The following EYS variants were observed in gnomAD, a reference collection of about 807,000 sequenced individuals.
EYS encodes protein eyes shut homolog.
In EYS, 250 loss-of-function variants were observed where a neutral mutation model predicts 282.1. The ratio of observed to expected loss-of-function variants is 0.89; its 90% CI spans 0.80 to 0.98. The LOEUF is 0.98. EYS is among the 50% of genes least tolerant of loss of function. The pLI, the probability that EYS is intolerant of heterozygous loss-of-function variation, is 0.00. For synonymous variants in EYS, 1,355 were observed against 1,282.9 expected, an observed-to-expected ratio of 1.06 and a Z score of -1.20; for missense variants, 4,016 against 3,709.0, an observed-to-expected ratio of 1.08 and a Z score of -2.15.
chr6:64,163,154 A>G (rs77408945), intron 31 of EYS, among the ~76,000 whole-genome samples: 3,912 of 152,240 alleles, frequency 0.026, 156 homozygotes, highest in African/African-American at 0.089. Flanking sequence ...CAGGTAAAAA[A>G]GCCTATTAGC....
intron 12 of EYS, among the ~76,000 whole-genome samples, chr6:65,265,526 T>C (rs1396900011): frequency 1.3e-5 from 2 of 152,038 alleles, no homozygotes; most frequent in African/African-American, 4.8e-5. Context: ...TTTCTTAATA[T>C]GGTATGCTTA....
chr6:64,211,593 CTAATT>C (rs72165256), intron 31 of EYS, among the ~76,000 whole-genome samples: 44,732 of 146,862 alleles, frequency 0.3, 6,843 homozygotes, highest in East Asian at 0.5. Context: ...ATATATTAAT[CTAATT>C]TAATTCATTT....
intron 31 of EYS, among the ~76,000 whole-genome samples, chr6:64,145,119 T>C (rs1160043936): frequency 1.3e-5 from 2 of 152,196 alleles, no homozygotes; most frequent in African/African-American, 4.8e-5. Context: ...ATAAGAAGCA[T>C]GATTATTTTA....
At chr6:64,317,563 G>A (rs534558560) in intron 29 of EYS, among the ~76,000 whole-genome samples, 14 of 151,884 alleles carry the variant, frequency 9.2e-5, no homozygotes, top group East Asian at 1.9e-4. Context: ...AAATAGAAAC[G>A]CTTTTACACT....
At chr6:64,609,226 G>GA (rs1184579333) in intron 24 of EYS, among the ~76,000 whole-genome samples, 2 of 152,006 alleles carry the variant, frequency 1.3e-5, no homozygotes, top group Non-Finnish European at 2.9e-5. Context: ...AATAGTTTAA[G>GA]AAAAAAAGAG....
At chr6:64,620,873 T>G (rs1205729618) in intron 23 of EYS, among the ~76,000 whole-genome samples, 1 of 152,202 alleles carries the variant, frequency 6.6e-6, no homozygotes, top group Non-Finnish European at 1.5e-5. Flanking sequence ...ATTATTATGG[T>G]GTTAAACTAA....
chr6:63,862,907 C>A (rs1772571010), intron 36 of EYS, among the ~76,000 whole-genome samples: 1 of 152,248 alleles, frequency 6.6e-6, no homozygotes, highest in African/African-American at 2.4e-5. Flanking sequence ...CAGATACACA[C>A]AAATTCATTG....
intron 29 of EYS, among the ~76,000 whole-genome samples, chr6:64,328,223 A>G (rs899607602): frequency 1.3e-5 from 2 of 152,210 alleles, no homozygotes; most frequent in Non-Finnish European, 2.9e-5. Flanking sequence ...TTCAGTCATT[A>G]TTTAATACAG....
At chr6:65,598,432 G>A (rs354342) in intron 2 of EYS, among the ~76,000 whole-genome samples, 44,991 of 151,570 alleles carry the variant, frequency 0.3, 7,547 homozygotes, top group East Asian at 0.56. Context: ...CAATATTTAT[G>A]CCATCCAGCA....
chr6:65,087,856 T>TA (rs1467520487), intron 12 of EYS, among the ~76,000 whole-genome samples: 1 of 152,190 alleles, frequency 6.6e-6, no homozygotes, highest in Non-Finnish European at 1.5e-5. Flanking sequence ...AATCTCACTT[T>TA]GAATTGTCAT....
intron 32 of EYS, among the ~76,000 whole-genome samples, chr6:64,076,212 G>T (rs142763437): frequency 3.8e-4 from 57 of 151,948 alleles, no homozygotes; most frequent in African/African-American, 1.3e-3. Context: ...ATTTATCAGA[G>T]GAATAAATTA....
At chr6:64,548,058 T>C (rs114492517) in intron 26 of EYS, among the ~76,000 whole-genome samples, 7,786 of 152,094 alleles carry the variant, frequency 0.051, 456 homozygotes, top group African/African-American at 0.13. Context: ...CACACCTCCC[T>C]GGAAGCTGAT....
At chr6:64,942,434 GT>G (rs1387662864) in intron 15 of EYS, among the ~76,000 whole-genome samples, 21 of 142,126 alleles carry the variant, frequency 1.5e-4, no homozygotes, top group Non-Finnish European at 2.6e-4. Context: ...CCAGAAGTTG[GT>G]TTTTTGAAAG....
intron 26 of EYS, among the ~76,000 whole-genome samples, chr6:64,466,362 A>G (rs575093432): frequency 1.3e-5 from 2 of 152,162 alleles, no homozygotes; most frequent in Non-Finnish European, 2.9e-5. Context: ...ATATCCATCA[A>G]TGGATGAATG....
In EYS at chr6:64,591,486, C is replaced by T. The variant is rs561089665; in HGVS notation, c.4381G>A (p.Val1461Ile). ...ATATCCTCTTGAGCCCCCCTAGAGA[C>T]AACTGGAGTTGCACTTATGGAGGCA... ...IAASISATPV[V>I]SRGAQEDIEE... Residue 1461 changes from valine (V) to isoleucine (I), a missense_variant, in exon 26 of 43, where the codon GTC (valine) becomes ATC (isoleucine). Physicochemically the swap from Val to Ile is conservative, Grantham distance 29. Transcript: ENST00000503581. The T allele has an allele frequency of 3.2e-6, 5 of 1,551,286 alleles. No individual in the cohort carries two copies. The highest frequency in any genetic ancestry group is 4.4e-6 in the Non-Finnish European group (5 of 1,146,766).
intron 34 of EYS, among the ~76,000 whole-genome samples, chr6:63,995,436 A>G (rs1767792327): frequency 6.6e-6 from 1 of 151,968 alleles, no homozygotes; most frequent in African/African-American, 2.4e-5. Flanking sequence ...GTGGAAATTT[A>G]TGAGCACGGT....
intron 33 of EYS, among the ~76,000 whole-genome samples, chr6:64,025,217 C>A (rs1769433733): frequency 6.6e-6 from 1 of 151,928 alleles, no homozygotes; most frequent in Non-Finnish European, 1.5e-5. Flanking sequence ...TCTCTAACAA[C>A]CCCCAACTCT....
At chr6:64,469,346 A>G (rs1157620650) in intron 26 of EYS, among the ~76,000 whole-genome samples, 1 of 152,202 alleles carries the variant, frequency 6.6e-6, no homozygotes, top group Non-Finnish European at 1.5e-5. Context: ...ATAATAAAAT[A>G]TAAAACAAGA....
Position 64,813,400 on chromosome 6 carries a change from G to C in EYS, c.3421C>G (p.Pro1141Ala), listed in dbSNP as rs1764654045. Residue 1141 changes from proline (P) to alanine (A), a missense_variant, in exon 22 of 43, where the codon CCT becomes GCT. Coordinates refer to ENST00000503581, the MANE Select transcript of EYS (RefSeq NM_001142800.2). ...GACCTGCAGTCAAAAGTATGTCCAG[G>C]CCCATCAACACAGATCCCTCCATTA... ...CLNGGICVDGPGHTFDCRCLP... is the reference protein window; with the variant it reads ...CLNGGICVDGAGHTFDCRCLP... The C allele has an allele frequency of 6.5e-7, 1 of 1,546,834 alleles. No individual in the cohort carries two copies. The highest frequency in any genetic ancestry group is 1.4e-5 in the African/African-American group (1 of 72,662).
Sources: allele counts gnomAD v4.1 joint callset (sites outside exome capture counted in the v4.1 genomes callset), GRCh38; gene constraint gnomAD v4.1.1; transcripts MANE v1.5; gene names NCBI Gene and HGNC (gene_info 2026-07-23, HGNC 2026-07-21).